Variants in DHX9 observed in about 807,000 individuals in gnomAD.
The protein encoded by DHX9 is ATP-dependent RNA helicase A.
Under a neutral mutation model 148.7 loss-of-function variants are expected in DHX9, and 27 were observed. The observed-to-expected ratio is 0.18, with a 90% CI of 0.13 to 0.25. The LOEUF is 0.25. DHX9 is among the 10% of genes least tolerant of loss of function. DHX9 has a pLI of 1.00. For synonymous variants in DHX9, 529 were observed against 516.6 expected, an observed-to-expected ratio of 1.02 and a Z score of -0.33; for missense variants, 796 against 1,559.6, an observed-to-expected ratio of 0.51 and a Z score of 8.25.
intron 3 of DHX9, among the ~76,000 whole-genome samples, chr1:182,845,977 T>G (rs1002829599): frequency 6.6e-6 from 1 of 152,162 alleles, no homozygotes; most frequent in African/African-American, 2.4e-5. Flanking sequence ...AACTTCATTA[T>G]TCAGTATTGA....
At chr1:182,876,741 C>A in intron 18 of DHX9, 89 bp from the exon 19 acceptor site, 10 of 1,047,598 alleles carry the variant, frequency 9.5e-6, no homozygotes, top group South Asian at 5.9e-5. Context: ...CTGTAATTTT[C>A]TTGTCATTTG....
chr1:182,879,322 G>A lies in DHX9; in HGVS notation c.2424G>A (p.Leu808=). ...AAATTGCTCTTAGCATAAAACTTCT[G>A]CGTCTAGGAGGAATTGGCCAATTTC... is the stretch of plus-strand genomic sequence containing the variant. ...LHEIALSIKL[L]RLGGIGQFLA... Residue 808 remains leucine, a synonymous_variant, in exon 21 of 28, where the codon CTG becomes CTA. Transcript: ENST00000367549. 1 of 1,549,286 alleles carries A rather than the reference G, an allele frequency of 6.5e-7. No homozygotes were observed. Among genetic ancestry groups the A allele is most frequent in the Non-Finnish European group, 8.8e-7 (1 of 1,132,476 alleles).
intron 27 of DHX9, among the ~76,000 whole-genome samples, chr1:182,885,727 A>G (rs1473427108): frequency 6.6e-6 from 1 of 152,236 alleles, no homozygotes; most frequent in Non-Finnish European, 1.5e-5. Context: ...CATACAGCTA[A>G]TAACTGATAG....
intron 2 of DHX9, 54 bp from the exon 3 acceptor site, chr1:182,843,240 A>T (rs1667963826): frequency 7.0e-7 from 1 of 1,430,654 alleles, no homozygotes; most frequent in Non-Finnish European, 9.2e-7. Flanking sequence ...ACGACTTTTT[A>T]AAATCTCAGA....
chr1:182,842,385 A>G (rs897518068), intron 1 of DHX9, among the ~76,000 whole-genome samples, 160 bp from the exon 2 acceptor site: 1 of 142,592 alleles, frequency 7.0e-6, no homozygotes, highest in Non-Finnish European at 1.5e-5. Flanking sequence ...TTCTTACAAC[A>G]TATAAACGTT....
intron 14 of DHX9, 72 bp downstream of exon 14, chr1:182,867,115 G>T: frequency 1.1e-6 from 1 of 925,754 alleles, no homozygotes; most frequent in East Asian, 2.9e-5. Context: ...GAATGTCTTT[G>T]TTTTCCCTTT....
At chr1:182,847,627 C>A (rs1404939116) in intron 3 of DHX9, among the ~76,000 whole-genome samples, 3 of 152,164 alleles carry the variant, frequency 2.0e-5, no homozygotes, top group Admixed American at 6.6e-5. Context: ...TTCCAGCATT[C>A]CCTCACTTTC....
At chr1:182,875,129 G>C (rs749198579) in intron 16 of DHX9, 175 bp downstream of exon 16, 146 of 644,894 alleles carry the variant, frequency 2.3e-4, no homozygotes, top group Non-Finnish European at 2.9e-4. Context: ...TCCAGGTTCA[G>C]TGACAAGCTG....
In DHX9 at chr1:182,853,794, T is replaced by G. The variant is rs909155640; in HGVS notation, c.478-236T>G. On this transcript the variant is annotated intron_variant, in intron 5 of 27. Coordinates refer to ENST00000367549, the MANE Select transcript of DHX9 (RefSeq NM_001357.5). ...TAAAACAAGCACAAAGAAGTTGTCA[T>G]TTTTTTTTTTTGGAAGAATTTAAAT... is the stretch of plus-strand genomic sequence containing the variant. Among the ~76,000 whole-genome samples, 127 of 130,016 alleles carry G rather than the reference T, an allele frequency of 9.8e-4. 1 individual carries two copies. Among genetic ancestry groups the G allele is most frequent in the African/African-American group, 3.7e-3 (118 of 32,104 alleles). 85.3% of individuals were successfully genotyped at this position (130,016 alleles called of 152,430 possible). A position where few individuals can be genotyped will look rare whatever the true frequency, so the allele number is the denominator to read the frequency against.
At chr1:182,843,477 T>C in intron 3 of DHX9, 43 bp downstream of exon 3, 1 of 1,495,674 alleles carries the variant, frequency 6.7e-7, no homozygotes, top group Non-Finnish European at 8.9e-7. Context: ...TGTTGTAAAG[T>C]TGTACAAACT....
chr1:182,874,806 C>T (rs775721011), intron 15 of DHX9, 48 bp from the exon 16 acceptor site: 1 of 1,371,768 alleles, frequency 7.3e-7, no homozygotes, highest in Admixed American at 1.7e-5. Context: ...AGGTCTGCTC[C>T]ATTGTGAAAG....
At chr1:182,881,766 G>A (rs753449369) in intron 24 of DHX9, 119 bp downstream of exon 24, 20 of 1,084,234 alleles carry the variant, frequency 1.8e-5, no homozygotes, top group East Asian at 2.6e-5. Context: ...ATATATTCCC[G>A]ACTATTTCTT....
chr1:182,849,837 GTGTT>G (rs929462965), intron 3 of DHX9, among the ~76,000 whole-genome samples: 60 of 150,682 alleles, frequency 4.0e-4, no homozygotes, highest in African/African-American at 1.4e-3. Flanking sequence ...CTTTTCCTCT[GTGTT>G]TGTTAATATA....
At chr1:182,886,995 T>C in intron 27 of DHX9, 88 bp from the exon 28 acceptor site, 2 of 1,253,696 alleles carry the variant, frequency 1.6e-6, no homozygotes, top group South Asian at 2.8e-5. Flanking sequence ...TATTAAATTT[T>C]CAAATATAAC....
In DHX9 at chr1:182,843,502, G is replaced by C. The variant is rs1042612081; in HGVS notation, c.252+68G>C. ...TTGTACAAACTCAATATGCGTAAGA[G>C]ACTCAAGATAGTAATTTTTCACTGT... On this transcript the variant is annotated intron_variant, in intron 3 of 27. Transcript: ENST00000367549. 4.5e-6 allele frequency: 6 copies of C among 1,331,854 alleles called. No homozygotes were observed. The Admixed American group carries it at 1.4e-4, about 31-fold the overall frequency. 82.5% of individuals were successfully genotyped at this position (1,331,854 alleles called of 1,614,324 possible).
chr1:182,859,868 T>C, intron 11 of DHX9, 125 bp from the exon 12 acceptor site: 1 of 811,060 alleles, frequency 1.2e-6, no homozygotes, highest in South Asian at 1.9e-5. Context: ...CCTCCCAAAG[T>C]GCTGGGATTA....
At chr1:182,852,380 A>G in intron 4 of DHX9, 36 bp downstream of exon 4, 2 of 1,416,940 alleles carry the variant, frequency 1.4e-6, no homozygotes, top group South Asian at 2.5e-5. Context: ...GGTGGAGAAT[A>G]AGATATACAC....
chr1:182,840,206 C>T (rs1426849088), intron 1 of DHX9, among the ~76,000 whole-genome samples: 2 of 150,756 alleles, frequency 1.3e-5, no homozygotes, highest in East Asian at 3.9e-4. Context: ...TGGGGAGAAA[C>T]GAATGGATAG....
chr1:182,877,863 A>G (rs1447593968), intron 19 of DHX9, 158 bp from the exon 20 acceptor site: 3 of 804,580 alleles, frequency 3.7e-6, no homozygotes, highest in Non-Finnish European at 5.7e-6. Context: ...AGGAGTTTGC[A>G]GTCAGATTGC....
Sources: allele counts gnomAD v4.1 joint callset (sites outside exome capture counted in the v4.1 genomes callset), GRCh38; gene constraint gnomAD v4.1.1; transcripts MANE v1.5; gene names NCBI Gene and HGNC (gene_info 2026-07-23, HGNC 2026-07-21).